CATSPERT: variants seen among roughly 807,000 people sequenced by gnomAD.
CATSPERT encodes catsper channel auxiliary subunit tau.
chr2:201,547,426 T>C, the CATSPERT span: 1 of 802,740 alleles, frequency 1.2e-6, no homozygotes, highest in Non-Finnish European at 1.9e-6. Flanking sequence ...AATTTGATCA[T>C]CACTTTTAAT....
the CATSPERT span, among the ~76,000 whole-genome samples, chr2:201,569,042 AG>A: frequency 6.6e-6 from 1 of 152,204 alleles, no homozygotes; most frequent in Non-Finnish European, 1.5e-5. Flanking sequence ...GTTAGTTCAG[AG>A]ACAGTGTCTA....
chr2:201,567,499 A>G, the CATSPERT span, among the ~76,000 whole-genome samples: 2 of 152,206 alleles, frequency 1.3e-5, no homozygotes, highest in Admixed American at 6.5e-5. Context: ...AGCCAAAGGT[A>G]TAATTTTAGA....
the CATSPERT span, chr2:201,565,788 T>C: frequency 2.7e-5 from 44 of 1,612,390 alleles, no homozygotes; most frequent in Admixed American, 6.0e-4. Context: ...GGTTGGAGGA[T>C]TGCACAGCTG....
the CATSPERT span, chr2:201,536,264 G>T: frequency 9.9e-5 from 160 of 1,612,946 alleles, no homozygotes; most frequent in African/African-American, 1.8e-3. Flanking sequence ...AATTATCTTG[G>T]TCCGATTGGT....
the CATSPERT span, among the ~76,000 whole-genome samples, chr2:201,586,319 G>A: frequency 0.89 from 135,732 of 151,872 alleles, 61,287 homozygotes; most frequent in South Asian, 0.98. Context: ...AGCATCAACC[G>A]TACTCAATCC....
the CATSPERT span, chr2:201,601,659 T>G: frequency 7.3e-7 from 1 of 1,365,896 alleles, no homozygotes; most frequent in African/African-American, 1.5e-5. Flanking sequence ...CTACTCATTT[T>G]TATAAAAAGA....
the CATSPERT span, among the ~76,000 whole-genome samples, chr2:201,527,782 G>T: frequency 2.0e-5 from 3 of 151,806 alleles, no homozygotes; most frequent in Admixed American, 2.0e-4. Flanking sequence ...GACTTAAATG[G>T]AAAACCTAAA....
the CATSPERT span, among the ~76,000 whole-genome samples, chr2:201,584,693 G>T: frequency 5.3e-5 from 8 of 152,064 alleles, no homozygotes; most frequent in Admixed American, 2.0e-4. Flanking sequence ...TGAGGCAGGA[G>T]AATCGCTTGA....
At chr2:201,557,067 T>A in the CATSPERT span, 8 of 152,046 alleles carry the variant, frequency 5.3e-5, no homozygotes, top group African/African-American at 1.9e-4. Context: ...GGCCAAGAAA[T>A]AACCCAAGTA....
At chr2:201,568,931 T>A in the CATSPERT span, among the ~76,000 whole-genome samples, 1 of 152,304 alleles carries the variant, frequency 6.6e-6, no homozygotes, top group African/African-American at 2.4e-5. Flanking sequence ...CAGAGCCAAC[T>A]GTGAGATGGA....
chr2:201,570,016 T>A, the CATSPERT span, among the ~76,000 whole-genome samples: 1 of 151,926 alleles, frequency 6.6e-6, no homozygotes, highest in Non-Finnish European at 1.5e-5. Context: ...ACCCTGTCTC[T>A]ACAAAAAATA....
chr2:201,598,964 T>C, the CATSPERT span, among the ~76,000 whole-genome samples: 5 of 152,064 alleles, frequency 3.3e-5, no homozygotes, highest in South Asian at 2.1e-4. Flanking sequence ...TAGAGACCAT[T>C]CCTATAACCC....
chr2:201,604,916 GA>G, the CATSPERT span, among the ~76,000 whole-genome samples: 1 of 151,954 alleles, frequency 6.6e-6, no homozygotes. Flanking sequence ...TGAAAGAAGA[GA>G]AAAGTACATA....
chr2:201,595,863 A>C, the CATSPERT span, among the ~76,000 whole-genome samples: 22 of 151,774 alleles, frequency 1.4e-4, no homozygotes, highest in African/African-American at 5.3e-4. Flanking sequence ...AACCACAATG[A>C]GATACCATCT....
chr2:201,613,578 G>C, the CATSPERT span, among the ~76,000 whole-genome samples: 1 of 152,158 alleles, frequency 6.6e-6, no homozygotes, highest in East Asian at 1.9e-4. Context: ...ACCAAAGGTA[G>C]ATAAAACCAC....
At chr2:201,492,722 C>T in the CATSPERT span, 2 of 1,535,354 alleles carry the variant, frequency 1.3e-6, no homozygotes, top group Non-Finnish European at 1.7e-6. Flanking sequence ...GACATGATTT[C>T]TTTCACAGTT....
At chr2:201,509,914 C>T in the CATSPERT span, among the ~76,000 whole-genome samples, 1 of 150,790 alleles carries the variant, frequency 6.6e-6, no homozygotes, top group Admixed American at 6.6e-5. Flanking sequence ...GTACAATCAA[C>T]CCTAATATAT....
the CATSPERT span, among the ~76,000 whole-genome samples, chr2:201,529,300 G>A: frequency 5.9e-5 from 9 of 151,978 alleles, no homozygotes; most frequent in African/African-American, 7.2e-5. Context: ...AAGCAATCTC[G>A]AGCAAAAAGA....
At chr2:201,616,155 T>C in the CATSPERT span, among the ~76,000 whole-genome samples, 7 of 152,218 alleles carry the variant, frequency 4.6e-5, no homozygotes. Flanking sequence ...CCATTCCTTC[T>C]GAAACTATTC....
Sources: gnomAD v4.1 joint callset for allele counts (sites outside exome capture counted in the v4.1 genomes callset) on GRCh38, gnomAD v4.1.1 for gene constraint, MANE v1.5 for transcripts, NCBI Gene and HGNC (gene_info 2026-07-23, HGNC 2026-07-21) for gene names.